The following CLYBL variants were observed in gnomAD, a reference collection of about 807,000 sequenced individuals.
CLYBL encodes citramalyl-CoA lyase, mitochondrial.
A neutral mutation model predicts 38.9 loss-of-function variants in CLYBL; 31 were observed. The observed-to-expected ratio is 0.80, with a 90% CI of 0.60 to 1.08. The LOEUF (loss-of-function observed/expected upper bound fraction) is 1.08. Among genes scored for constraint, CLYBL ranks in the 50% least tolerant of loss-of-function variants. The pLI is 0.00. For missense variants in CLYBL, 434 were observed against 411.6 expected (o/e 1.05, Z -0.47); for synonymous variants, 171 against 158.6 (o/e 1.08, Z -0.59).
chr13:99,764,086 A>G (rs555662537), intron 1 of CLYBL, among the ~76,000 whole-genome samples: 42 of 152,136 alleles, frequency 2.8e-4, no homozygotes, highest in African/African-American at 1.0e-3. Context: ...CCTGTCACCC[A>G]GGCTGGAGTG....
intron 1 of CLYBL, among the ~76,000 whole-genome samples, chr13:99,769,414 CCT>C (rs916224917): frequency 5.9e-5 from 9 of 152,118 alleles, no homozygotes; most frequent in Non-Finnish European, 1.0e-4. Context: ...CCATCTTCCC[CCT>C]CTCTTAGATT....
At chr13:99,901,512 G>A (rs1312401572), downstream of CLYBL, among the ~76,000 whole-genome samples, 1 of 152,074 alleles carries the variant, frequency 6.6e-6, no homozygotes, top group African/African-American at 2.4e-5. Flanking sequence ...GAGAGACCCC[G>A]AGTGCACAGA....
chr13:99,798,507 A>G (rs1304048427), intron 2 of CLYBL, among the ~76,000 whole-genome samples: 1 of 152,258 alleles, frequency 6.6e-6, no homozygotes, highest in African/African-American at 2.4e-5. Context: ...CAGAGCAAAT[A>G]GTTGGCTCCC....
intron 1 of CLYBL, among the ~76,000 whole-genome samples, chr13:99,608,724 C>T (rs1008844363): frequency 6.6e-6 from 1 of 151,936 alleles, no homozygotes; most frequent in East Asian, 1.9e-4. Flanking sequence ...ATATAGGATT[C>T]TTGATTGGCA....
intron 7 of CLYBL, among the ~76,000 whole-genome samples, chr13:99,871,833 G>A (rs2051908617): frequency 2.0e-5 from 3 of 151,918 alleles, no homozygotes. Flanking sequence ...AGGATAGGAG[G>A]GAAAGTTACA....
chr13:99,843,237 G>T (rs1326887108), intron 2 of CLYBL, among the ~76,000 whole-genome samples: 1 of 152,180 alleles, frequency 6.6e-6, no homozygotes, highest in Non-Finnish European at 1.5e-5. Flanking sequence ...TAAGGGATCA[G>T]TCAGACAAAA....
chr13:99,887,736 G>A (rs2052386037), intron 7 of CLYBL, among the ~76,000 whole-genome samples: 1 of 152,210 alleles, frequency 6.6e-6, no homozygotes, highest in Admixed American at 6.5e-5. Flanking sequence ...CTGGGTGACA[G>A]AGTGAAACCC....
chr13:99,717,386 G>A (rs192483356), intron 1 of CLYBL, among the ~76,000 whole-genome samples: 2,926 of 139,244 alleles, frequency 0.021, 99 homozygotes, highest in African/African-American at 0.074. Flanking sequence ...AGATCATGCC[G>A]TTGCACTCCA....
intron 2 of CLYBL, among the ~76,000 whole-genome samples, chr13:99,838,937 C>G (rs1296443159): frequency 6.6e-6 from 1 of 152,230 alleles, no homozygotes; most frequent in African/African-American, 2.4e-5. Flanking sequence ...CGGCGCCTGG[C>G]CTACATTTCA....
At chr13:99,872,844 C>T (rs1259770266) in intron 7 of CLYBL, among the ~76,000 whole-genome samples, 4 of 152,162 alleles carry the variant, frequency 2.6e-5, no homozygotes, top group Non-Finnish European at 5.9e-5. Context: ...AGGAAAATGG[C>T]CCTTTTCCAT....
chr13:99,752,884 A>T (rs1407447119), intron 1 of CLYBL, among the ~76,000 whole-genome samples: 3 of 152,168 alleles, frequency 2.0e-5, no homozygotes, highest in African/African-American at 7.2e-5. Context: ...GCCAAAAAGG[A>T]AAAATTCTCT....
chr13:99,871,990 CAAAAAAA>C (rs113487766), intron 7 of CLYBL, among the ~76,000 whole-genome samples: 1,369 of 119,416 alleles, frequency 0.011, 11 homozygotes, highest in Middle Eastern at 0.02. Flanking sequence ...TTCCCCCCTG[CAAAAAAA>C]AAAAAAAAAG....
chr13:99,733,443 A>T (rs530116320), intron 1 of CLYBL, among the ~76,000 whole-genome samples: 4 of 152,306 alleles, frequency 2.6e-5, no homozygotes, highest in African/African-American at 9.6e-5. Context: ...TATTGCCTGA[A>T]CTTCCTTTTT....
chr13:99,668,189 G>A (rs1422259901), intron 1 of CLYBL, among the ~76,000 whole-genome samples: 3 of 151,744 alleles, frequency 2.0e-5, no homozygotes, highest in South Asian at 2.1e-4. Flanking sequence ...TGGGAGGATC[G>A]TTTGAGCCCA....
At chr13:99,753,339 A>G (rs1197965638) in intron 1 of CLYBL, among the ~76,000 whole-genome samples, 2 of 152,178 alleles carry the variant, frequency 1.3e-5, no homozygotes, top group East Asian at 3.9e-4. Context: ...TTTAAAGTCC[A>G]GACTGGCTGT....
chr13:99,638,107 G>C (rs796585637), intron 1 of CLYBL, among the ~76,000 whole-genome samples: 3 of 151,116 alleles, frequency 2.0e-5, no homozygotes, highest in African/African-American at 7.3e-5. Context: ...AAGACCACCA[G>C]CTACACCTGG....
At chr13:99,887,689 G>T (rs2052384118) in intron 7 of CLYBL, among the ~76,000 whole-genome samples, 1 of 152,182 alleles carries the variant, frequency 6.6e-6, no homozygotes, top group Non-Finnish European at 1.5e-5. Flanking sequence ...GGAGGTCGAG[G>T]CTGCAGTAAG....
intron 1 of CLYBL, among the ~76,000 whole-genome samples, chr13:99,735,102 A>G (rs961496803): frequency 6.6e-6 from 1 of 152,244 alleles, no homozygotes; most frequent in South Asian, 2.1e-4. Context: ...TGTCACAAAT[A>G]GAGATGATTT....
intron 1 of CLYBL, among the ~76,000 whole-genome samples, chr13:99,660,069 C>G (rs1376099965): frequency 1.3e-5 from 2 of 152,134 alleles, no homozygotes; most frequent in Non-Finnish European, 2.9e-5. Context: ...GAAAAAGAAA[C>G]AAATACCAGA....
Sources: gnomAD v4.1 joint callset for allele counts (sites outside exome capture counted in the v4.1 genomes callset) on GRCh38, gnomAD v4.1.1 for gene constraint, MANE v1.5 for transcripts, NCBI Gene and HGNC (gene_info 2026-07-23, HGNC 2026-07-21) for gene names.